Variants in DLG2 observed in about 807,000 individuals in gnomAD.
The protein encoded by DLG2 is disks large homolog 2.
Under a neutral mutation model 132.5 loss-of-function variants are expected in DLG2, and 45 were observed. The observed-to-expected ratio is 0.34, with a 90% confidence interval of 0.27 to 0.44. The LOEUF (loss-of-function observed/expected upper bound fraction) is 0.44, where lower values mean the gene tolerates loss of function less well. Among genes scored for constraint, DLG2 ranks in the 20% least tolerant of loss-of-function variants. The pLI, the probability that DLG2 is intolerant of heterozygous loss-of-function variation, is 1.00. For missense variants in DLG2, 1,045 were observed against 1,196.9 expected, an observed-to-expected ratio of 0.87 and a Z score of 1.87; for synonymous variants, 424 against 419.6, an observed-to-expected ratio of 1.01 and a Z score of -0.13.
At chr11:84,707,723 C>T (rs1194225618) in intron 6 of DLG2, among the ~76,000 whole-genome samples, 1 of 151,780 alleles carries the variant, frequency 6.6e-6, no homozygotes, top group Non-Finnish European at 1.5e-5. Flanking sequence ...GGAATTTTAC[C>T]TGAGAGTATG....
rs531403124 is a variant in DLG2 at position 85,282,835 on chromosome 11, C to T, written c.186+2385G>A. ...ACAATAGCAAAGACATGGAATTAAC[C>T]TAAATGTCCATCAGTGGTAGCCTGG... On this transcript the variant is annotated intron_variant, in intron 4 of 27. Transcript: ENST00000376104. 1.2e-3 allele frequency among the ~76,000 whole-genome samples: 189 copies of T among 152,026 alleles called. 1 individual carries two copies. The highest frequency in any genetic ancestry group is 4.3e-3 in the African/African-American group (177 of 41,498).
chr11:84,250,708 T>C (rs1466150054), intron 8 of DLG2, among the ~76,000 whole-genome samples: 1 of 152,208 alleles, frequency 6.6e-6, no homozygotes, highest in Non-Finnish European at 1.5e-5. Context: ...TACAGAATCC[T>C]AGGCTTCATT....
chr11:85,148,876 G>GT (rs1388863226), intron 5 of DLG2, among the ~76,000 whole-genome samples: 1 of 152,120 alleles, frequency 6.6e-6, no homozygotes, highest in East Asian at 1.9e-4. Context: ...GGTTTTTATG[G>GT]TTTTGGGTTT....
At chr11:84,704,751 T>C (rs1343291402) in intron 6 of DLG2, among the ~76,000 whole-genome samples, 1 of 151,230 alleles carries the variant, frequency 6.6e-6, no homozygotes, top group Non-Finnish European at 1.5e-5. Flanking sequence ...TTAATTTTGT[T>C]ACTTTCACAA....
At chr11:84,926,873 T>C (rs1042984214) in intron 6 of DLG2, among the ~76,000 whole-genome samples, 1 of 152,058 alleles carries the variant, frequency 6.6e-6, no homozygotes, top group African/African-American at 2.4e-5. Context: ...AATTTCTGAA[T>C]TGATCTTAGA....
chr11:85,584,466 C>T (rs1471106032), intron 3 of DLG2, among the ~76,000 whole-genome samples: 3 of 151,958 alleles, frequency 2.0e-5, no homozygotes, highest in Admixed American at 6.6e-5. Flanking sequence ...CTGCTATAGA[C>T]ATGCATGTGC....
chr11:83,742,224 C>CAG (rs1453140227), intron 18 of DLG2, among the ~76,000 whole-genome samples: 3 of 151,754 alleles, frequency 2.0e-5, no homozygotes, highest in Non-Finnish European at 2.9e-5. Flanking sequence ...CACACACACA[C>CAG]ACACACACAC....
chr11:83,859,986 T>G (rs2061183215), intron 16 of DLG2, among the ~76,000 whole-genome samples: 1 of 152,168 alleles, frequency 6.6e-6, no homozygotes, highest in Non-Finnish European at 1.5e-5. Flanking sequence ...CCATGTGGTG[T>G]TGAGCCTGTG....
At chr11:84,686,630 GTT>G (rs60618412) in intron 6 of DLG2, among the ~76,000 whole-genome samples, 2,455 of 113,728 alleles carry the variant, frequency 0.022, 16 homozygotes, top group Middle Eastern at 0.032. Flanking sequence ...TGGCCTTGAG[GTT>G]TTTTTTTTTT....
rs533720533 is a variant in DLG2 at position 83,876,484 on chromosome 11, C to A, written c.1497-1996G>T. On this transcript the variant is annotated intron_variant, in intron 15 of 27. Transcript: ENST00000376104. ...ACAAGCATATAAAATAAAACATTTTCTATTAAAAAATATTACAAAATTACT... is the reference window on the plus strand; with the variant it reads ...ACAAGCATATAAAATAAAACATTTTATATTAAAAAATATTACAAAATTACT... Among the ~76,000 whole-genome samples the A allele has an allele frequency of 1.2e-3, 177 of 151,974 alleles. 1 individual carries two copies. The highest frequency in any genetic ancestry group is 4.1e-3 in the African/African-American group (172 of 41,452).
chr11:84,814,885 T>A (rs138078737), intron 6 of DLG2, among the ~76,000 whole-genome samples: 34 of 152,254 alleles, frequency 2.2e-4, no homozygotes, highest in African/African-American at 7.9e-4. Flanking sequence ...GTAAAAGGTC[T>A]GCTTTATTTT....
intron 8 of DLG2, among the ~76,000 whole-genome samples, chr11:84,220,956 G>GTTT (rs376056448): frequency 7.9e-6 from 1 of 125,818 alleles, no homozygotes. Context: ...CCCAGCTGAT[G>GTTT]TTTTTTTTTT....
At chr11:84,615,817 G>GAAAAAAAAAAAAAAAAAA (rs2099602949) in intron 6 of DLG2, among the ~76,000 whole-genome samples, 1 of 52,904 alleles carries the variant, frequency 1.9e-5, no homozygotes, top group African/African-American at 1.5e-4. Flanking sequence ...GACAAAAACG[G>GAAAAAAAAAAAAAAAAAA]TAAAAAAAAA....
chr11:84,964,152 A>G (rs925481300), intron 6 of DLG2, among the ~76,000 whole-genome samples: 43 of 152,142 alleles, frequency 2.8e-4, no homozygotes, highest in Admixed American at 8.5e-4. Flanking sequence ...ATCAGTGTAT[A>G]ATATATTTGT....
chr11:84,136,399 G>GT (rs1309287264), intron 9 of DLG2, among the ~76,000 whole-genome samples: 3 of 152,060 alleles, frequency 2.0e-5, no homozygotes, highest in Non-Finnish European at 4.4e-5. Context: ...GTAAATGCTT[G>GT]TTTTTTGTGG....
At chr11:83,692,012 A>G (rs561389482) in intron 18 of DLG2, 1 of 152,322 alleles carries the variant, frequency 6.6e-6, no homozygotes, top group African/African-American at 2.4e-5. Context: ...TGTTATTCCC[A>G]TTTTATAGAT....
At chr11:84,214,018 A>C (rs1336340018) in intron 8 of DLG2, among the ~76,000 whole-genome samples, 1 of 151,128 alleles carries the variant, frequency 6.6e-6, no homozygotes, top group East Asian at 1.9e-4. Flanking sequence ...GATCACACCC[A>C]CAGAGGGCAA....
chr11:85,398,123 C>A (rs2087603677), intron 3 of DLG2, among the ~76,000 whole-genome samples: 1 of 152,196 alleles, frequency 6.6e-6, no homozygotes, highest in Non-Finnish European at 1.5e-5. Flanking sequence ...TATTAAGAAA[C>A]TCACTCAAAA....
intron 6 of DLG2, among the ~76,000 whole-genome samples, chr11:84,801,648 G>C (rs995863407): frequency 6.6e-6 from 1 of 152,194 alleles, no homozygotes; most frequent in African/African-American, 2.4e-5. Flanking sequence ...GTGTCCCCCA[G>C]ATGAAAGCAA....
Sources: allele counts gnomAD v4.1 joint callset (sites outside exome capture counted in the v4.1 genomes callset), GRCh38; gene constraint gnomAD v4.1.1; transcripts MANE v1.5; gene names NCBI Gene and HGNC (gene_info 2026-07-23, HGNC 2026-07-21).